ADGRL2: variants seen among roughly 807,000 people sequenced by gnomAD.
ADGRL2 encodes calcium-independent alpha-latrotoxin receptor 2.
A neutral mutation model predicts 157.4 loss-of-function variants in ADGRL2; 44 were observed. The ratio of observed to expected loss-of-function variants is 0.28; its 90% CI spans 0.22 to 0.36. ADGRL2 has a LOEUF of 0.36. Among genes scored for constraint, ADGRL2 ranks in the 10% least tolerant of loss-of-function variants. The pLI, the probability that ADGRL2 is intolerant of heterozygous loss-of-function variation, is 1.00. For synonymous variants in ADGRL2, 585 were observed against 624.7 expected (o/e 0.94, Z 0.95); for missense variants, 1,510 against 1,768.9 (o/e 0.85, Z 2.63).
At chr1:81,635,316 A>G (rs2082094864) in intron 3 of ADGRL2, among the ~76,000 whole-genome samples, 1 of 152,184 alleles carries the variant, frequency 6.6e-6, no homozygotes, top group Non-Finnish European at 1.5e-5. Flanking sequence ...CTATTATAAG[A>G]AATTCGAAGG....
At chr1:81,601,983 G>C (rs2081340836) in intron 3 of ADGRL2, among the ~76,000 whole-genome samples, 1 of 152,170 alleles carries the variant, frequency 6.6e-6, no homozygotes, top group African/African-American at 2.4e-5. Flanking sequence ...GCTGAGTGTG[G>C]AAGAGCCTGA....
chr1:81,602,802 G>A (rs1300807547), intron 3 of ADGRL2, among the ~76,000 whole-genome samples: 1 of 151,014 alleles, frequency 6.6e-6, no homozygotes, highest in Non-Finnish European at 1.5e-5. Flanking sequence ...GGGGGCTGAG[G>A]CTTGAGAATT....
intron 1 of ADGRL2, among the ~76,000 whole-genome samples, chr1:81,437,395 G>A (rs529487603): frequency 1.3e-5 from 2 of 152,238 alleles, no homozygotes; most frequent in East Asian, 3.9e-4. Flanking sequence ...AGATTAACAG[G>A]CCTTGTGTTA....
At chr1:81,536,401 A>G (rs1156794180) in intron 2 of ADGRL2, among the ~76,000 whole-genome samples, 1 of 152,228 alleles carries the variant, frequency 6.6e-6, no homozygotes, top group Non-Finnish European at 1.5e-5. Flanking sequence ...GTCTTGAAAC[A>G]AGAAAGATTT....
intron 2 of ADGRL2, among the ~76,000 whole-genome samples, chr1:81,559,080 C>T (rs1355307994): frequency 6.6e-6 from 1 of 152,100 alleles, no homozygotes; most frequent in African/African-American, 2.4e-5. Context: ...TGTAAGGAGA[C>T]TTAGATTTGG....
In ADGRL2 at chr1:81,905,820, C is replaced by G. The variant is rs76270631; in HGVS notation, c.74-1197C>G. ...TTGAATTTTCACATAGCTTTTGCCACAGAAATGTGTCAGCTTCTGAAGCCA... is the reference window on the plus strand; with the variant it reads ...TTGAATTTTCACATAGCTTTTGCCAGAGAAATGTGTCAGCTTCTGAAGCCA... On this transcript the variant is annotated intron_variant, in intron 2 of 23. Transcript: ENST00000686636. Among the ~76,000 whole-genome samples the G allele has an allele frequency of 5.7e-3, 865 of 152,162 alleles. 4 individuals carry two copies. The highest frequency in any genetic ancestry group is 0.02 in the African/African-American group (835 of 41,512).
intron 1 of ADGRL2, among the ~76,000 whole-genome samples, chr1:81,738,018 G>T (rs2084958143): frequency 6.6e-6 from 1 of 152,180 alleles, no homozygotes; most frequent in Non-Finnish European, 1.5e-5. Flanking sequence ...AAATTTGATA[G>T]AGTGTGGTAG....
chr1:81,963,450 C>A (rs1401236315), intron 11 of ADGRL2, among the ~76,000 whole-genome samples: 1 of 151,910 alleles, frequency 6.6e-6, no homozygotes. Flanking sequence ...TGACAGAGAT[C>A]ATTTTGACTT....
chr1:81,754,378 G>T (rs2085597552), intron 1 of ADGRL2, among the ~76,000 whole-genome samples: 1 of 150,274 alleles, frequency 6.7e-6, no homozygotes, highest in African/African-American at 2.4e-5. Context: ...AAATTATAAT[G>T]AGCACTAAAT....
intron 3 of ADGRL2, among the ~76,000 whole-genome samples, chr1:81,644,262 A>G (rs941676302): frequency 6.6e-6 from 1 of 152,198 alleles, no homozygotes; most frequent in Non-Finnish European, 1.5e-5. Flanking sequence ...AAAAGTATAA[A>G]ACTCCTAGAA....
At chr1:81,545,526 CCGCCT>C (rs2079994486) in intron 2 of ADGRL2, among the ~76,000 whole-genome samples, 1 of 152,048 alleles carries the variant, frequency 6.6e-6, no homozygotes, top group South Asian at 2.1e-4. Flanking sequence ...AGTGATCTGC[CCGCCT>C]CGCCTCCCAA....
At chr1:81,965,191 TCA>T (rs1171263894) in intron 11 of ADGRL2, among the ~76,000 whole-genome samples, 3 of 152,200 alleles carry the variant, frequency 2.0e-5, no homozygotes, top group African/African-American at 7.2e-5. Flanking sequence ...GCAGTGGTTG[TCA>T]CACTTCTGCT....
chr1:81,701,224 A>G (rs1158645083), intron 1 of ADGRL2, among the ~76,000 whole-genome samples: 1 of 152,218 alleles, frequency 6.6e-6, no homozygotes, highest in Admixed American at 6.5e-5. Context: ...GGTTTCTGAA[A>G]AAGTGTTGAG....
At chr1:81,609,456 G>A (rs976245455) in intron 3 of ADGRL2, among the ~76,000 whole-genome samples, 2 of 152,170 alleles carry the variant, frequency 1.3e-5, no homozygotes, top group African/African-American at 4.8e-5. Context: ...CATGCTTTGA[G>A]ATGGAAGAAA....
intron 1 of ADGRL2, among the ~76,000 whole-genome samples, chr1:81,718,077 T>A (rs2084174870): frequency 6.6e-6 from 1 of 152,216 alleles, no homozygotes; most frequent in Admixed American, 6.5e-5. Flanking sequence ...TCGAGTGCAG[T>A]GGTGCCATCT....
At position 81,993,081 on chromosome 1, in the gene ADGRL2, ATATATATTTTTTTTTTTTTTTT is replaced by A. The variant is rs1664876034; in HGVS notation, c.*1938_*1959del. ...TACATATATATATATATATATATATATATATATTTTTTTTTTTTTTTTTTTTTTTTTTTTTTTTGGGACAGAG... is the reference window on the plus strand; with the variant it reads ...TACATATATATATATATATATATATATTTTTTTTTTTTTTTTGGGACAGAG... On this transcript the variant is annotated 3_prime_UTR_variant, in exon 24 of 24. Transcript: ENST00000686636. Among the ~76,000 whole-genome samples the A allele has an allele frequency of 3.4e-5, 1 of 29,148 alleles. No homozygotes were observed. The highest frequency in any genetic ancestry group is 1.6e-4 in the African/African-American group (1 of 6,104). The allele number at this position is 29,148 out of a possible 152,430, so 19.1% of individuals were successfully genotyped here. A position where few individuals can be genotyped will look rare whatever the true frequency, so the allele number is the denominator to read the frequency against.
At chr1:81,533,816 C>A (rs1368173273) in intron 2 of ADGRL2, among the ~76,000 whole-genome samples, 2 of 152,160 alleles carry the variant, frequency 1.3e-5, no homozygotes, top group African/African-American at 4.8e-5. Flanking sequence ...CACTAGGAGT[C>A]CAAGGGGCAC....
intron 1 of ADGRL2, among the ~76,000 whole-genome samples, chr1:81,410,794 A>G (rs1036362756): frequency 6.6e-6 from 1 of 152,240 alleles, no homozygotes; most frequent in African/African-American, 2.4e-5. Context: ...AAATAATTCC[A>G]GGAAAAGAGA....
intron 3 of ADGRL2, among the ~76,000 whole-genome samples, chr1:81,929,987 A>G (rs957792727): frequency 6.6e-6 from 1 of 152,146 alleles, no homozygotes; most frequent in Admixed American, 6.5e-5. Context: ...TTGCTTATGG[A>G]CTCACAATTA....
Sources: gnomAD v4.1 joint callset for allele counts (sites outside exome capture counted in the v4.1 genomes callset) on GRCh38, gnomAD v4.1.1 for gene constraint, MANE v1.5 for transcripts, NCBI Gene and HGNC (gene_info 2026-07-23, HGNC 2026-07-21) for gene names.